The following SLC6A6 variants were observed in gnomAD, a reference collection of about 807,000 sequenced individuals.
The protein encoded by SLC6A6 is solute carrier family 6 member 6.
A neutral mutation model predicts 68.8 loss-of-function variants in SLC6A6; 16 were observed. The ratio of observed to expected loss-of-function variants is 0.23; its 90% confidence interval spans 0.16 to 0.35. The LOEUF (loss-of-function observed/expected upper bound fraction) is 0.35. SLC6A6 is among the 10% of genes least tolerant of loss of function. The probability of loss-of-function intolerance (pLI) is 1.00; values close to 1 mark genes in which losing one functional copy is unlikely to be tolerated. For synonymous variants in SLC6A6, 312 were observed against 315.4 expected (o/e 0.99, Z 0.12); for missense variants, 474 against 802.8 (o/e 0.59, Z 4.95).
chr3:14,412,696 A>C (rs1288335808), intron 1 of SLC6A6, among the ~76,000 whole-genome samples: 1 of 152,126 alleles, frequency 6.6e-6, no homozygotes, highest in Non-Finnish European at 1.5e-5. Flanking sequence ...TTCTAACCAA[A>C]TCCCAGGCAC....
At chr3:14,426,814 G>A (rs759552416) in intron 2 of SLC6A6, among the ~76,000 whole-genome samples, 20 of 152,084 alleles carry the variant, frequency 1.3e-4, no homozygotes, top group Non-Finnish European at 1.5e-4. Context: ...TGCGGTCTTG[G>A]TGAGGAAGAA....
intron 2 of SLC6A6, among the ~76,000 whole-genome samples, chr3:14,427,525 G>A (rs1000962945): frequency 6.6e-6 from 1 of 152,188 alleles, no homozygotes; most frequent in Admixed American, 6.5e-5. Context: ...GCATCAAGTT[G>A]TTGGGCTGAT....
intron 3 of SLC6A6, chr3:14,444,728 C>A (rs1700072018): frequency 2.2e-6 from 1 of 456,686 alleles, no homozygotes; most frequent in Non-Finnish European, 4.4e-6. Flanking sequence ...GGTTTCTTAA[C>A]CTTTTGTAGG....
intron 7 of SLC6A6, 104 bp from the exon 8 acceptor site, chr3:14,467,749 G>A (rs959838588): frequency 1.9e-5 from 13 of 670,394 alleles, no homozygotes; most frequent in Admixed American, 1.4e-4. Context: ...GCAAGGTCCC[G>A]TCCCCAGGCC....
At chr3:14,416,771 T>A (rs1404381496) in intron 2 of SLC6A6, among the ~76,000 whole-genome samples, 1 of 152,274 alleles carries the variant, frequency 6.6e-6, no homozygotes, top group East Asian at 1.9e-4. Context: ...CTGGGGCAAG[T>A]CTGCCGTGGG....
chr3:14,467,671 G>A (rs1700651478), intron 7 of SLC6A6, among the ~76,000 whole-genome samples, 182 bp from the exon 8 acceptor site: 1 of 152,134 alleles, frequency 6.6e-6, no homozygotes, highest in Non-Finnish European at 1.5e-5. Flanking sequence ...GATTTCTGGG[G>A]CTCCTTGCAG....
rs528436053 is a variant in SLC6A6 at position 14,450,457 on chromosome 3, A to G, written c.599+2641A>G. Reference sequence around the variant, plus strand: ...GATCCAGATGGATTTGCTCTGTCCAAAGAACCCTGGCTGCCAGCTTGGTAC... The same window carrying G: ...GATCCAGATGGATTTGCTCTGTCCAGAGAACCCTGGCTGCCAGCTTGGTAC... On this transcript the variant is annotated intron_variant, in intron 5 of 14. Coordinates refer to ENST00000622186, the MANE Select transcript of SLC6A6 (RefSeq NM_003043.6). This position sits in a 1 kb window ranked among gnomAD's most constrained non-coding sequence, Gnocchi z 4.1. Among the ~76,000 whole-genome samples, 3 of 152,182 alleles carry G rather than the reference A, an allele frequency of 2.0e-5. No homozygotes were observed. The highest frequency in any genetic ancestry group is 1.3e-4 in the Admixed American group (2 of 15,300).
intron 10 of SLC6A6, among the ~76,000 whole-genome samples, chr3:14,476,916 G>T (rs1361264337): frequency 6.6e-6 from 1 of 152,240 alleles, no homozygotes; most frequent in Non-Finnish European, 1.5e-5. Context: ...CATTCTGGTG[G>T]CAGGAACAGC....
intron 2 of SLC6A6, among the ~76,000 whole-genome samples, chr3:14,437,717 T>G: frequency 6.6e-6 from 1 of 152,076 alleles, no homozygotes. Flanking sequence ...TCTATCAAAC[T>G]TACTCCTCGT....
At chr3:14,458,386 C>T (rs1033586302) in intron 6 of SLC6A6, among the ~76,000 whole-genome samples, 3 of 152,246 alleles carry the variant, frequency 2.0e-5, no homozygotes, top group Non-Finnish European at 4.4e-5. Context: ...GCCCCATCCA[C>T]CACAGCTTTC....
intron 2 of SLC6A6, among the ~76,000 whole-genome samples, chr3:14,425,012 A>C (rs1294237079): frequency 1.3e-5 from 2 of 152,192 alleles, no homozygotes; most frequent in Non-Finnish European, 2.9e-5. Context: ...CTCTCTCTGC[A>C]CTTAGCTGGA....
intron 6 of SLC6A6, among the ~76,000 whole-genome samples, chr3:14,465,775 A>G (rs1460112686): frequency 6.6e-6 from 1 of 152,226 alleles, no homozygotes; most frequent in Non-Finnish European, 1.5e-5. Context: ...ATGGTTGGCA[A>G]CCACTGGGCT....
chr3:14,444,189 C>G (rs1455472574), intron 3 of SLC6A6: 1 of 302,324 alleles, frequency 3.3e-6, no homozygotes, highest in Non-Finnish European at 6.3e-6. Context: ...GACATTCACA[C>G]ACCTCCTTAT....
intron 6 of SLC6A6, among the ~76,000 whole-genome samples, chr3:14,465,363 G>A (rs542533504): frequency 2.6e-5 from 4 of 152,302 alleles, no homozygotes; most frequent in East Asian, 1.9e-4. Flanking sequence ...GGAAGGCCAT[G>A]GGTCTCCCAG....
At chr3:14,458,113 C>A in intron 6 of SLC6A6, 31 bp downstream of exon 6, 2 of 1,608,190 alleles carry the variant, frequency 1.2e-6, no homozygotes, top group Non-Finnish European at 1.7e-6. Flanking sequence ...TCCCCTGCCT[C>A]CTGGAGAGCT....
intron 6 of SLC6A6, among the ~76,000 whole-genome samples, chr3:14,463,425 C>T (rs1234395309): frequency 6.6e-6 from 1 of 152,268 alleles, no homozygotes; most frequent in East Asian, 1.9e-4. Context: ...AAAGCCACCT[C>T]CACACCCCTG....
intron 1 of SLC6A6, chr3:14,410,931 C>T (rs1699240399): frequency 6.6e-6 from 1 of 152,292 alleles, no homozygotes. Context: ...GGGACATCCT[C>T]TCTTGCCCCA....
chr3:14,469,813 C>T (rs1700710992), intron 9 of SLC6A6, among the ~76,000 whole-genome samples: 1 of 152,120 alleles, frequency 6.6e-6, no homozygotes, highest in Non-Finnish European at 1.5e-5. Flanking sequence ...AGACCCCTGA[C>T]AACACTGCAG....
intron 2 of SLC6A6, among the ~76,000 whole-genome samples, chr3:14,443,270 T>C (rs922079290): frequency 2.6e-5 from 4 of 152,252 alleles, no homozygotes; most frequent in African/African-American, 9.6e-5. Flanking sequence ...CCTGGGTGTG[T>C]TGTGTTTTGT....
Sources: gnomAD v4.1 joint callset for allele counts (sites outside exome capture counted in the v4.1 genomes callset) on GRCh38, gnomAD v4.1.1 for gene constraint, Gnocchi (gnomAD v3.1) non-coding constraint, MANE v1.5 for transcripts, NCBI Gene and HGNC (gene_info 2026-07-23, HGNC 2026-07-21) for gene names.